The following TBC1D17 variants were observed in gnomAD, a reference collection of about 807,000 sequenced individuals.
TBC1D17 encodes TBC1 domain family, member 17.
In TBC1D17, 69 loss-of-function variants were observed where a neutral mutation model predicts 78.8. That is an observed-to-expected ratio of 0.88 (90% CI 0.72 to 1.07). The LOEUF is 1.07. Ranked by LOEUF, TBC1D17 falls within the 50% of genes least tolerant of loss-of-function variation. TBC1D17 has a pLI of 0.00. For missense variants in TBC1D17, 957 were observed against 861.0 expected (o/e 1.11, Z -1.39); for synonymous variants, 456 against 358.3 (o/e 1.27, Z -3.08).
rs773270030 is a variant in TBC1D17, at chr19:49,884,249, G to A, written c.1127-4G>A. The A allele has an allele frequency of 1.5e-5, 25 of 1,613,334 alleles. No homozygotes were observed. Among genetic ancestry groups the A allele is most frequent in the East Asian group, 4.5e-5 (2 of 44,892 alleles). On this transcript the variant is annotated splice_polypyrimidine_tract_variant and splice_region_variant and intron_variant, in intron 10 of 16. Transcript: ENST00000221543. ...CCTTTGCACCCTGTGCCCGGTCCCC[G>A]CAGAAAGGGATGTGAGCCGCACTGA...
chr19:49,885,947 C>G (rs1035431867), intron 13 of TBC1D17, among the ~76,000 whole-genome samples: 2 of 146,104 alleles, frequency 1.4e-5, no homozygotes, highest in African/African-American at 5.1e-5. Context: ...TGCACTCCAG[C>G]CTGGGCAACA....
At chr19:49,886,240 G>A (rs1013361944) in intron 13 of TBC1D17, among the ~76,000 whole-genome samples, 2 of 152,028 alleles carry the variant, frequency 1.3e-5, no homozygotes, top group African/African-American at 4.8e-5. Context: ...GGGCGACAGA[G>A]CGAGACTTTG....
At position 49,888,615 on chromosome 19, in the gene TBC1D17, C is replaced by CGACT; in HGVS notation, c.1939_1942dup (p.Ser648Ter). ...TGCCCGAGGAGGAGGACGAGGGCGC[C>CGACT]GACTCCTAACCCCGCCAGGCAGCCT... On this transcript the variant is annotated frameshift_variant, in exon 17 of 17. Coordinates refer to ENST00000221543, the MANE Select transcript of TBC1D17 (RefSeq NM_024682.3). LOFTEE classifies it high-confidence loss of function. The CGACT allele has an allele frequency of 6.5e-7, 1 of 1,535,256 alleles. No individual in the cohort carries two copies. The highest frequency in any genetic ancestry group is 1.2e-5 in the South Asian group (1 of 83,798).
At position 49,887,863 on chromosome 19, in the gene TBC1D17, T is replaced by TC. The variant is rs748012151; in HGVS notation, c.1659+35dup. 3.6e-5 allele frequency: 56 copies of TC among 1,548,900 alleles called. No individual in the cohort carries two copies. The East Asian group carries it at 1.0e-3, about 29-fold the overall frequency. Reference sequence around the variant, plus strand: ...AGGCTCCGGCCCCGCCCCCGCCCTGTCCCCCCTGAGCTGGGCGCTGCCCAG... The same window carrying TC: ...AGGCTCCGGCCCCGCCCCCGCCCTGTCCCCCCCTGAGCTGGGCGCTGCCCAG... On this transcript the variant is annotated intron_variant, in intron 15 of 16. Coordinates refer to ENST00000221543, the MANE Select transcript of TBC1D17 (RefSeq NM_024682.3).
chr19:49,882,083 C>G lies in TBC1D17; in HGVS notation c.570C>G (p.Asp190Glu), dbSNP rs1482257954. The G allele has an allele frequency of 3.1e-6, 5 of 1,614,158 alleles. No homozygotes were observed. Among genetic ancestry groups the G allele is most frequent in the Non-Finnish European group, 4.2e-6 (5 of 1,180,012 alleles). ...GCCTCTACCTTGTCTTCCCCCACGA[C>G]TCCTCTGCTCTCTCCAACTCCTTCC... ...DSRLYLVFPH[D>E]SSALSNSFHH... The change falls in exon 6 of 17, where the codon GAC (aspartate) becomes GAG (glutamate). Residue 190 changes from aspartate to glutamate, a missense_variant. By Grantham distance (45) the Asp-to-Glu change is conservative (BLOSUM62 2). Coordinates refer to ENST00000221543, the MANE Select transcript of TBC1D17 (RefSeq NM_024682.3).
In TBC1D17 at chr19:49,878,170, C is replaced by T; in HGVS notation, c.49C>T (p.Leu17=). The change falls in exon 2 of 17, where the codon CTG becomes TTG. Residue 17 remains leucine, a synonymous_variant. Coordinates refer to ENST00000221543, the MANE Select transcript of TBC1D17 (RefSeq NM_024682.3). ...RVVFEKGGVY[L]HTSAKKYQDR... ...GGTGTTTGAGAAGGGCGGAGTGTAC[C>T]TGCACACCAGCGCTAAGAAGTATCA... 1 of 1,578,022 alleles carries T rather than the reference C, an allele frequency of 6.3e-7. No individual in the cohort carries two copies. The highest frequency in any genetic ancestry group is 8.6e-7 in the Non-Finnish European group (1 of 1,162,304).
At chr19:49,883,240 G>A (rs1359893532) in intron 9 of TBC1D17, among the ~76,000 whole-genome samples, 164 bp downstream of exon 9, 1 of 152,208 alleles carries the variant, frequency 6.6e-6, no homozygotes, top group Non-Finnish European at 1.5e-5. Flanking sequence ...CCTCACCCCT[G>A]TATGGTCTGT....
At chr19:49,879,408 G>GGATGAA (rs987631502) in intron 3 of TBC1D17, 31 of 152,332 alleles carry the variant, frequency 2.0e-4, no homozygotes, top group East Asian at 9.6e-4. Flanking sequence ...CAGGGCAGGA[G>GGATGAA]GATGAAGATG....
At chr19:49,885,778 G>A (rs2122466856) in intron 13 of TBC1D17, among the ~76,000 whole-genome samples, 1 of 151,974 alleles carries the variant, frequency 6.6e-6, no homozygotes, top group East Asian at 1.9e-4. Context: ...TCCAGACCAG[G>A]CTGGGCAACA....
chr19:49,878,538 C>A lies in TBC1D17; in HGVS notation c.161C>A (p.Ala54Asp). ...CTGCACTGGGCTCCTGTAGAGGAGG[C>A]TGGAGATTCCACCCAAATCCTCTTC... ...VLLHWAPVEE[A>D]GDSTQILFSK... The change falls in exon 3 of 17, where the codon GCT becomes GAT. Residue 54 changes from alanine (A) to aspartate (D), a missense_variant. By Grantham distance (126) the Ala-to-Asp change is moderately radical (BLOSUM62 -2). Transcript: ENST00000221543. The A allele has an allele frequency of 6.2e-7, 1 of 1,614,130 alleles. No homozygotes were observed. Among genetic ancestry groups the A allele is most frequent in the East Asian group, 2.2e-5 (1 of 44,890 alleles).
intron 15 of TBC1D17, 192 bp from the exon 16 acceptor site, chr19:49,888,039 G>A: frequency 9.6e-7 from 1 of 1,047,050 alleles, no homozygotes; most frequent in Non-Finnish European, 1.4e-6. Flanking sequence ...GGTGGGTGGG[G>A]ACCTTCCCTC....
chr19:49,881,292 G>C lies in TBC1D17; in HGVS notation c.344G>C (p.Gly115Ala), dbSNP rs749701630. ...GGTGCAGAGCCCAGCTGCCCCCAGG[G>C]CTCCTGGGCCTTCTCAGTGAGTCTG... is the stretch of plus-strand genomic sequence containing the variant. Reference protein sequence around the residue: ...TRGAEPSCPQGSWAFSVSLGE... With the variant: ...TRGAEPSCPQASWAFSVSLGE... Residue 115 changes from glycine (G) to alanine (A), a missense_variant, in exon 5 of 17, where the codon GGC becomes GCC. Physicochemically the swap from Gly to Ala is moderately conservative, Grantham distance 60. Coordinates refer to ENST00000221543, the MANE Select transcript of TBC1D17 (RefSeq NM_024682.3). 49 of 1,612,972 alleles carry C rather than the reference G, an allele frequency of 3.0e-5. No individual in the cohort carries two copies. The highest frequency in any genetic ancestry group is 2.8e-5 in the Non-Finnish European group (33 of 1,179,940).
intron 14 of TBC1D17, 48 bp from the exon 15 acceptor site, chr19:49,887,670 C>T (rs756944139): frequency 6.2e-7 from 1 of 1,610,048 alleles, no homozygotes; most frequent in Non-Finnish European, 8.5e-7. Flanking sequence ...GACCTCAGGC[C>T]CAGGCTGGGC....
At chr19:49,883,869 T>G in intron 10 of TBC1D17, 124 bp downstream of exon 10, 1 of 821,150 alleles carries the variant, frequency 1.2e-6, no homozygotes, top group Non-Finnish European at 2.0e-6. Flanking sequence ...AGAGGGCATC[T>G]TGGGGGAAAG....
chr19:49,881,205 G>A (rs1411847312), intron 4 of TBC1D17, 63 bp from the exon 5 acceptor site: 16 of 1,470,222 alleles, frequency 1.1e-5, no homozygotes, highest in Non-Finnish European at 1.5e-5. Context: ...ATCCTGGGTT[G>A]TGGTTGATAA....
intron 9 of TBC1D17, 44 bp from the exon 10 acceptor site, chr19:49,883,607 G>A (rs764235044): frequency 2.7e-5 from 42 of 1,572,850 alleles, no homozygotes; most frequent in Admixed American, 1.3e-4. Flanking sequence ...TCTGGGTGTT[G>A]CAGACAGTGG....
rs1287069981 is a variant in TBC1D17, at chr19:49,882,953, C to G, written c.928-20C>G. 1.2e-6 allele frequency: 2 copies of G among 1,600,908 alleles called. No homozygotes were observed. The highest frequency in any genetic ancestry group is 2.7e-5 in the African/African-American group (2 of 74,572). On this transcript the variant is annotated intron_variant, in intron 8 of 16. Coordinates refer to ENST00000221543, the MANE Select transcript of TBC1D17 (RefSeq NM_024682.3). ...CCAGAACAAGGCCCCACTGAGCTGC[C>G]TGCCCTCCTGCACCCCCAGGGTCTG...
chr19:49,881,851 C>T (rs1416585625), intron 5 of TBC1D17, among the ~76,000 whole-genome samples, 190 bp from the exon 6 acceptor site: 2 of 152,092 alleles, frequency 1.3e-5, no homozygotes, highest in Non-Finnish European at 2.9e-5. Context: ...CCCTCATTGG[C>T]CAGCCCCGAG....
intron 6 of TBC1D17, 29 bp from the exon 7 acceptor site, chr19:49,882,213 C>T (rs747705112): frequency 6.2e-7 from 1 of 1,612,594 alleles, no homozygotes. Context: ...AAGGGGCGGG[C>T]CGTGACCTCC....
Sources: allele counts gnomAD v4.1 joint callset (sites outside exome capture counted in the v4.1 genomes callset), GRCh38; gene constraint gnomAD v4.1.1; transcripts MANE v1.5; gene names NCBI Gene and HGNC (gene_info 2026-07-23, HGNC 2026-07-21).